ATG5: variants seen among roughly 807,000 people sequenced by gnomAD.
ATG5 encodes the protein autophagy protein 5.
Under a neutral mutation model 36.5 loss-of-function variants are expected in ATG5, and 14 were observed. The observed-to-expected ratio is 0.38, with a 90% CI of 0.25 to 0.60. The LOEUF (loss-of-function observed/expected upper bound fraction) is 0.60, where lower values mean the gene tolerates loss of function less well. Ranked by LOEUF, ATG5 falls within the 20% of genes least tolerant of loss-of-function variation. ATG5 has a pLI of 0.60. For missense variants in ATG5, 195 were observed against 326.7 expected (o/e 0.60, Z 3.11); for synonymous variants, 95 against 101.5 (o/e 0.94, Z 0.38).
chr6:106,260,748 T>C (rs1274889051), intron 5 of ATG5, among the ~76,000 whole-genome samples: 1 of 152,168 alleles, frequency 6.6e-6, no homozygotes, highest in East Asian at 1.9e-4. Context: ...ATCCAATGAG[T>C]AACAAGAAAC....
intron 6 of ATG5, among the ~76,000 whole-genome samples, chr6:106,238,580 T>A (rs1318058941): frequency 1.3e-5 from 2 of 152,102 alleles, no homozygotes; most frequent in African/African-American, 4.8e-5. Flanking sequence ...TCTACAGTGT[T>A]TTCCTCTCTG....
intron 2 of ATG5, among the ~76,000 whole-genome samples, chr6:106,309,149 A>G (rs1041325359): frequency 6.6e-6 from 1 of 152,060 alleles, no homozygotes; most frequent in Non-Finnish European, 1.5e-5. Flanking sequence ...TGCAGTAGAC[A>G]CTCTAGCCAT....
intron 5 of ATG5, among the ~76,000 whole-genome samples, chr6:106,266,937 G>T (rs1428833816): frequency 6.6e-6 from 1 of 152,094 alleles, no homozygotes; most frequent in African/African-American, 2.4e-5. Flanking sequence ...TTTGAAAACG[G>T]CCACAAGACA....
At chr6:106,268,430 C>A (rs369801979) in intron 5 of ATG5, among the ~76,000 whole-genome samples, 1 of 152,026 alleles carries the variant, frequency 6.6e-6, no homozygotes, top group African/African-American at 2.4e-5. Context: ...ACTGTTGGTG[C>A]GAGTGTAAAT....
chr6:106,227,514 T>G (rs1025716021), intron 6 of ATG5, among the ~76,000 whole-genome samples: 1 of 152,218 alleles, frequency 6.6e-6, no homozygotes, highest in Non-Finnish European at 1.5e-5. Flanking sequence ...AAAGATCGCT[T>G]GAGCCCAGGA....
chr6:106,195,448 C>G (rs111397862), intron 7 of ATG5, among the ~76,000 whole-genome samples: 6,108 of 152,150 alleles, frequency 0.04, 176 homozygotes, highest in Middle Eastern at 0.075. Flanking sequence ...CAGTTTTTTA[C>G]TGAAACAGTG....
At chr6:106,232,572 T>C (rs1165321900) in intron 6 of ATG5, among the ~76,000 whole-genome samples, 8 of 152,026 alleles carry the variant, frequency 5.3e-5, no homozygotes, top group Admixed American at 5.2e-4. Context: ...TCTGCCTCCT[T>C]TCCCCACCAA....
intron 5 of ATG5, among the ~76,000 whole-genome samples, chr6:106,277,672 T>C (rs1779713060): frequency 1.3e-5 from 2 of 152,110 alleles, no homozygotes; most frequent in Non-Finnish European, 2.9e-5. Context: ...AAATTAGCTG[T>C]GCATGTTGGC....
At chr6:106,202,922 C>G (rs1776489672) in intron 6 of ATG5, among the ~76,000 whole-genome samples, 1 of 152,218 alleles carries the variant, frequency 6.6e-6, no homozygotes, top group Non-Finnish European at 1.5e-5. Context: ...TTCGGCCTCC[C>G]AGAGTGTTAG....
At chr6:106,275,205 GA>G (rs1331150182) in intron 5 of ATG5, among the ~76,000 whole-genome samples, 2 of 152,182 alleles carry the variant, frequency 1.3e-5, no homozygotes, top group Non-Finnish European at 2.9e-5. Flanking sequence ...AAACAGAATA[GA>G]AAACATCCAC....
intron 6 of ATG5, among the ~76,000 whole-genome samples, chr6:106,242,083 T>C (rs1352069923): frequency 6.6e-6 from 1 of 152,038 alleles, no homozygotes; most frequent in Non-Finnish European, 1.5e-5. Context: ...CAATGGAATA[T>C]TATTAAGCCT....
chr6:106,214,554 A>G (rs753203894), intron 6 of ATG5, among the ~76,000 whole-genome samples: 43 of 152,180 alleles, frequency 2.8e-4, no homozygotes, highest in Non-Finnish European at 6.2e-4. Flanking sequence ...ATGATTAAAT[A>G]AAAGCATCCA....
At chr6:106,229,298 G>A (rs1777573512) in intron 6 of ATG5, among the ~76,000 whole-genome samples, 1 of 152,208 alleles carries the variant, frequency 6.6e-6, no homozygotes, top group Non-Finnish European at 1.5e-5. Flanking sequence ...TCTAGACATG[G>A]GCAGTTATGT....
intron 5 of ATG5, among the ~76,000 whole-genome samples, chr6:106,264,172 C>A (rs1029910672): frequency 6.6e-6 from 1 of 152,044 alleles, no homozygotes; most frequent in Non-Finnish European, 1.5e-5. Context: ...AGCTGAAAAA[C>A]ACAGCACAAG....
chr6:106,246,168 T>C (rs2114507300), intron 6 of ATG5, among the ~76,000 whole-genome samples: 1 of 152,280 alleles, frequency 6.6e-6, no homozygotes, highest in South Asian at 2.1e-4. Flanking sequence ...AATGAGAACC[T>C]ATATTGTCCT....
intron 3 of ATG5, among the ~76,000 whole-genome samples, chr6:106,307,469 G>C (rs973707028): frequency 1.9e-4 from 28 of 150,112 alleles, no homozygotes; most frequent in African/African-American, 6.6e-4. Context: ...CCCAATAACA[G>C]AGGAAGCACC....
chr6:106,311,733 T>C (rs1770652239), intron 2 of ATG5, among the ~76,000 whole-genome samples: 1 of 151,898 alleles, frequency 6.6e-6, no homozygotes, highest in Non-Finnish European at 1.5e-5. Flanking sequence ...AGATCAGACA[T>C]GTGATTTGAA....
intron 6 of ATG5, among the ~76,000 whole-genome samples, chr6:106,221,811 G>A (rs777596224): frequency 6.6e-6 from 1 of 152,036 alleles, no homozygotes; most frequent in South Asian, 2.1e-4. Flanking sequence ...TCATAAAAAG[G>A]TGAGGATGAG....
intron 3 of ATG5, among the ~76,000 whole-genome samples, chr6:106,294,488 T>G (rs1780451916): frequency 6.6e-6 from 1 of 151,614 alleles, no homozygotes; most frequent in Non-Finnish European, 1.5e-5. Context: ...TATGGAAAAG[T>G]CATCAGTTTC....
Sources: gnomAD v4.1 joint callset for allele counts (sites outside exome capture counted in the v4.1 genomes callset) on GRCh38, gnomAD v4.1.1 for gene constraint, MANE v1.5 for transcripts, NCBI Gene and HGNC (gene_info 2026-07-23, HGNC 2026-07-21) for gene names.